DENND2B: variants seen among roughly 807,000 people sequenced by gnomAD.
DENND2B encodes the protein DENN domain-containing protein 2B.
In DENND2B, 32 loss-of-function variants were observed where a neutral mutation model predicts 116.0. The ratio of observed to expected loss-of-function variants is 0.28; its 90% CI spans 0.21 to 0.37. The LOEUF (loss-of-function observed/expected upper bound fraction) is 0.37, where lower values mean the gene tolerates loss of function less well. DENND2B is among the 10% of genes least tolerant of loss of function. DENND2B has a pLI of 1.00. For missense variants in DENND2B, 1,276 were observed against 1,477.7 expected (o/e 0.86, Z 2.24); for synonymous variants, 588 against 583.9 (o/e 1.01, Z -0.10).
rs556813790 is a variant in DENND2B at position 8,858,055 on chromosome 11, T to A, written c.-249-619A>T. Reference sequence around the variant, plus strand: ...CATTCAACCAAGATTTCTGAGCATTTTCTTGGCCATGTTATGATAGCAAAG... The same window carrying A: ...CATTCAACCAAGATTTCTGAGCATTATCTTGGCCATGTTATGATAGCAAAG... On this transcript the variant is annotated intron_variant, in intron 2 of 6. Transcript: ENST00000524757. Among the ~76,000 whole-genome samples the A allele has an allele frequency of 3.7e-4, 57 of 152,310 alleles. 1 individual carries two copies. The highest frequency in any genetic ancestry group is 1.2e-3 in the Admixed American group (19 of 15,296).
chr11:8,802,702 C>T (rs886848193), intron 1 of DENND2B, among the ~76,000 whole-genome samples: 1 of 152,170 alleles, frequency 6.6e-6, no homozygotes, highest in African/African-American at 2.4e-5. Flanking sequence ...CATTTTTCGC[C>T]ACTGAGAAAA....
intron 3 of DENND2B, among the ~76,000 whole-genome samples, chr11:8,848,360 A>C (rs533651370): frequency 4.0e-4 from 61 of 152,362 alleles, no homozygotes; most frequent in Non-Finnish European, 6.5e-4. Context: ...ACCCAAATCA[A>C]TAATTTCCCA....
intron 1 of DENND2B, among the ~76,000 whole-genome samples, chr11:8,770,319 A>G (rs1389042045): frequency 6.6e-6 from 1 of 152,228 alleles, no homozygotes; most frequent in Non-Finnish European, 1.5e-5. Flanking sequence ...GGGGCTCAGG[A>G]AGGCTAAGCA....
intron 13 of DENND2B, among the ~76,000 whole-genome samples, chr11:8,704,664 A>G (rs944881360): frequency 2.6e-5 from 4 of 151,918 alleles, no homozygotes; most frequent in African/African-American, 9.7e-5. Context: ...CCCAACATCC[A>G]CCTCTTACTC....
intron 3 of DENND2B, among the ~76,000 whole-genome samples, 175 bp downstream of exon 3, chr11:8,729,775 A>G (rs1052918560): frequency 6.6e-6 from 1 of 151,892 alleles, no homozygotes; most frequent in African/African-American, 2.4e-5. Context: ...AGTATCTTGT[A>G]AGAGCAGAAC....
intron 2 of DENND2B, among the ~76,000 whole-genome samples, chr11:8,865,900 A>T (rs768455319): frequency 1.1e-4 from 17 of 151,316 alleles, no homozygotes; most frequent in Admixed American, 7.3e-4. Flanking sequence ...TGCCATCCCC[A>T]CTAAAAAATA....
intron 4 of DENND2B, among the ~76,000 whole-genome samples, chr11:8,829,627 T>C (rs930124296): frequency 3.3e-5 from 5 of 152,120 alleles, no homozygotes; most frequent in Admixed American, 6.5e-5. Flanking sequence ...CAGAGATTGG[T>C]TTATCACCTA....
intron 1 of DENND2B, among the ~76,000 whole-genome samples, chr11:8,906,205 CTT>C (rs34217164): frequency 1.0e-3 from 94 of 93,292 alleles, no homozygotes; most frequent in South Asian, 4.1e-3. Flanking sequence ...TCTTTTTTTT[CTT>C]TTTTTTTTTT....
At chr11:8,832,823 C>T (rs1272464790) in intron 4 of DENND2B, among the ~76,000 whole-genome samples, 2 of 152,202 alleles carry the variant, frequency 1.3e-5, no homozygotes, top group African/African-American at 2.4e-5. Context: ...CCACAGGAGG[C>T]GAGGACACAG....
intron 1 of DENND2B, chr11:8,771,566 A>AGAGAGAGAGAGAGCGC (rs146752028): frequency 8.3e-6 from 1 of 120,310 alleles, no homozygotes; most frequent in East Asian, 2.6e-4. Flanking sequence ...AGAGAGAGAG[A>AGAGAGAGAGAGAGCGC]GCCTTCTTCC....
intron 11 of DENND2B, among the ~76,000 whole-genome samples, chr11:8,708,665 G>A (rs567760389): frequency 6.6e-6 from 1 of 152,228 alleles, no homozygotes; most frequent in African/African-American, 2.4e-5. Context: ...TTAAAAGGTA[G>A]GCATGGCCAG....
chr11:8,841,507 A>G (rs2062622942), intron 3 of DENND2B, among the ~76,000 whole-genome samples: 1 of 152,128 alleles, frequency 6.6e-6, no homozygotes, highest in Admixed American at 6.6e-5. Flanking sequence ...AAAACTATCC[A>G]GGCATGGTGG....
At chr11:8,746,603 C>G (rs1408772615) in intron 2 of DENND2B, among the ~76,000 whole-genome samples, 1 of 152,106 alleles carries the variant, frequency 6.6e-6, no homozygotes, top group Non-Finnish European at 1.5e-5. Context: ...AGGGATTTGT[C>G]TTAGTTGGGT....
At position 8,726,096 on chromosome 11, in the gene DENND2B, T is replaced by C; in HGVS notation, c.1454A>G (p.Glu485Gly). ...ACCCACAATATCTTCATAGGCATTT[T>C]CTTCTAAAGTGCTTTTGGATCCAAA... Reference protein sequence around the residue: ...PKFGSKSTLEENAYEDIVGDL... With the variant: ...PKFGSKSTLEGNAYEDIVGDL... Residue 485 changes from glutamate to glycine, a missense_variant, in exon 4 of 20, where the codon GAA becomes GGA. Glu to Gly is a moderately conservative substitution (Grantham distance 98). This residue lies in a region of DENND2B where 856 missense variants were observed against 846.6 expected (regional missense o/e 1.01). Coordinates refer to ENST00000313726, the MANE Select transcript of DENND2B (RefSeq NM_213618.2). The C allele has an allele frequency of 6.2e-7, 1 of 1,614,174 alleles. No individual in the cohort carries two copies. Among genetic ancestry groups the C allele is most frequent in the Non-Finnish European group, 8.5e-7 (1 of 1,180,008 alleles).
intron 4 of DENND2B, among the ~76,000 whole-genome samples, chr11:8,721,512 GTCC>G (rs2046181398): frequency 5.5e-4 from 2 of 3,666 alleles, no homozygotes; most frequent in Admixed American, 0.019. Context: ...AACAACCTCC[GTCC>G]GGTTCCAACC....
intron 1 of DENND2B, among the ~76,000 whole-genome samples, chr11:8,906,562 T>G (rs1042914396): frequency 6.6e-6 from 1 of 151,732 alleles, no homozygotes; most frequent in African/African-American, 2.4e-5. Flanking sequence ...ATATTAAATA[T>G]CTTCCAAATA....
chr11:8,726,422 A>G (rs2047093117), intron 3 of DENND2B: 1 of 520,262 alleles, frequency 1.9e-6, no homozygotes, highest in Admixed American at 3.7e-5. Context: ...CTTATCCTGA[A>G]TAATACCGCT....
chr11:8,761,291 T>C (rs2054579653), intron 1 of DENND2B, among the ~76,000 whole-genome samples: 1 of 152,224 alleles, frequency 6.6e-6, no homozygotes, highest in Non-Finnish European at 1.5e-5. Context: ...AAGTGGCTTA[T>C]CCTAGCTCTG....
chr11:8,881,211 A>T (rs2134727868), intron 1 of DENND2B: 1 of 152,280 alleles, frequency 6.6e-6, no homozygotes, highest in East Asian at 1.9e-4. Context: ...ATTCATAGTG[A>T]TGTGCCTTAG....
Sources: gnomAD v4.1 joint callset for allele counts (sites outside exome capture counted in the v4.1 genomes callset) on GRCh38, gnomAD v4.1.1 for gene constraint, gnomAD v4.1.1 regional missense constraint, MANE v1.5 for transcripts, NCBI Gene and HGNC (gene_info 2026-07-23, HGNC 2026-07-21) for gene names.